The following ELMO1 variants were observed in gnomAD, a reference collection of about 807,000 sequenced individuals.
The protein encoded by ELMO1 is engulfment and cell motility 1, also known as engulfment and cell motility protein 1.
Under a neutral mutation model 98.9 loss-of-function variants are expected in ELMO1, and 26 were observed. The ratio of observed to expected loss-of-function variants is 0.26; its 90% CI spans 0.19 to 0.36. The LOEUF is 0.36. Ranked by LOEUF, ELMO1 falls within the 10% of genes least tolerant of loss-of-function variation. ELMO1 has a pLI of 1.00. For synonymous variants in ELMO1, 346 were observed against 346.0 expected (o/e 1.00, Z 0.00); for missense variants, 627 against 935.2 (o/e 0.67, Z 4.30).
intron 1 of ELMO1, among the ~76,000 whole-genome samples, chr7:37,422,537 A>T (rs928613064): frequency 2.0e-5 from 3 of 152,174 alleles, no homozygotes; most frequent in Non-Finnish European, 4.4e-5. Flanking sequence ...AATATACAAG[A>T]CTTTTAAGGA....
At chr7:37,392,414 T>C (rs547942774) in intron 1 of ELMO1, among the ~76,000 whole-genome samples, 1 of 152,204 alleles carries the variant, frequency 6.6e-6, no homozygotes, top group African/African-American at 2.4e-5. Flanking sequence ...CGAGAGTCCA[T>C]GGGGCTTTGC....
chr7:36,970,134 A>G (rs1248107090), intron 16 of ELMO1, among the ~76,000 whole-genome samples: 1 of 151,364 alleles, frequency 6.6e-6, no homozygotes, highest in Admixed American at 6.6e-5. Context: ...CTCCTTATAT[A>G]TGTAAACACA....
At chr7:37,059,256 A>G (rs981723765) in intron 15 of ELMO1, among the ~76,000 whole-genome samples, 3 of 152,232 alleles carry the variant, frequency 2.0e-5, no homozygotes, top group Admixed American at 6.5e-5. Flanking sequence ...GCTCTGTGGA[A>G]CAGGGTTCCA....
At chr7:37,105,489 A>G (rs1289786391) in intron 14 of ELMO1, among the ~76,000 whole-genome samples, 1 of 152,192 alleles carries the variant, frequency 6.6e-6, no homozygotes, top group Non-Finnish European at 1.5e-5. Context: ...TAGTTCTCTA[A>G]CTTGAGCTTC....
At chr7:37,073,823 C>G (rs545573131) in intron 15 of ELMO1, among the ~76,000 whole-genome samples, 1 of 151,706 alleles carries the variant, frequency 6.6e-6, no homozygotes, top group African/African-American at 2.4e-5. Flanking sequence ...CTCAAGAGAC[C>G]CTCCGGCTTT....
At chr7:37,389,578 G>A (rs765133164) in intron 1 of ELMO1, among the ~76,000 whole-genome samples, 9 of 152,064 alleles carry the variant, frequency 5.9e-5, no homozygotes, top group Non-Finnish European at 8.8e-5. Context: ...CGAGAGTCTC[G>A]AATCGTCCAG....
chr7:37,167,266 C>T (rs1789776936), intron 13 of ELMO1, among the ~76,000 whole-genome samples: 1 of 152,202 alleles, frequency 6.6e-6, no homozygotes, highest in Admixed American at 6.5e-5. Flanking sequence ...GAATACAGCA[C>T]ACTGATGGGT....
intron 16 of ELMO1, among the ~76,000 whole-genome samples, chr7:36,962,441 C>G (rs778448967): frequency 6.6e-6 from 1 of 152,020 alleles, no homozygotes; most frequent in African/African-American, 2.4e-5. Flanking sequence ...ACCCAAGAAG[C>G]GGAGAGCACT....
At chr7:37,215,940 C>T (rs1793256079) in intron 11 of ELMO1, among the ~76,000 whole-genome samples, 1 of 151,954 alleles carries the variant, frequency 6.6e-6, no homozygotes. Flanking sequence ...CTGAACTGCT[C>T]TTTGGAATCA....
intron 16 of ELMO1, among the ~76,000 whole-genome samples, chr7:37,004,388 T>C (rs1407674264): frequency 6.6e-6 from 1 of 152,204 alleles, no homozygotes; most frequent in African/African-American, 2.4e-5. Context: ...CTGAACAGAG[T>C]TATGGAAAGC....
chr7:37,044,188 C>T (rs1795680595), intron 15 of ELMO1, among the ~76,000 whole-genome samples: 1 of 152,152 alleles, frequency 6.6e-6, no homozygotes, highest in Non-Finnish European at 1.5e-5. Context: ...GGATTGACAA[C>T]TCTGTCACAG....
chr7:36,974,200 T>C (rs1790282043), intron 16 of ELMO1, among the ~76,000 whole-genome samples: 1 of 152,236 alleles, frequency 6.6e-6, no homozygotes, highest in Admixed American at 6.5e-5. Flanking sequence ...CCAGCTGGGC[T>C]CCTGAGTCTG....
Position 36,870,239 on chromosome 7 carries a change from AG to A in ELMO1, c.1905+153del. 6.6e-6 allele frequency among the ~76,000 whole-genome samples: 1 copy of A among 152,298 alleles called. No homozygotes were observed. Among genetic ancestry groups the A allele is most frequent in the South Asian group, 2.1e-4 (1 of 4,830 alleles). The stretch of plus-strand genomic sequence containing the variant: ...AAAGAATAAGGGTAAGAGACGTAAA[AG>A]GAATCGGGACAGGAAACAGGAGAGC... On this transcript the variant is annotated intron_variant, in intron 20 of 21. Transcript: ENST00000310758. The surrounding 1 kb of genome is among the most constrained non-coding windows in gnomAD (Gnocchi z 4.4).
At chr7:37,216,598 C>T (rs763490699) in intron 11 of ELMO1, 47 bp downstream of exon 11, 1 of 1,605,550 alleles carries the variant, frequency 6.2e-7, no homozygotes, top group Middle Eastern at 1.7e-4. Context: ...ACAAATGCAC[C>T]AGGCCACTCC....
At chr7:37,423,163 T>A (rs1804553255) in intron 1 of ELMO1, among the ~76,000 whole-genome samples, 1 of 152,248 alleles carries the variant, frequency 6.6e-6, no homozygotes, top group Admixed American at 6.5e-5. Flanking sequence ...TGGCACAATT[T>A]CCCTTCAGTA....
rs183316049 is a variant in ELMO1 at position 37,131,743 on chromosome 7, A to C, written c.1191+1387T>G. The stretch of plus-strand genomic sequence containing the variant: ...AAACAATTTTCTTATGTGGGACTGT[A>C]TTTCTGACCAAACACCTGATCCCAA... On this transcript the variant is annotated intron_variant, in intron 14 of 21. Transcript: ENST00000310758. Among the ~76,000 whole-genome samples the C allele has an allele frequency of 1.2e-3, 179 of 152,374 alleles. 1 individual carries two copies. Among genetic ancestry groups the C allele is most frequent in the Admixed American group, 2.2e-3 (33 of 15,308 alleles).
chr7:37,270,786 A>C (rs1442684124), intron 5 of ELMO1: 1 of 152,094 alleles, frequency 6.6e-6, no homozygotes, highest in Non-Finnish European at 1.5e-5. Context: ...TCAGCTGTCA[A>C]TGGATCAGTG....
chr7:37,267,536 T>C (rs1385967325), intron 5 of ELMO1, among the ~76,000 whole-genome samples: 1 of 152,216 alleles, frequency 6.6e-6, no homozygotes, highest in East Asian at 1.9e-4. Context: ...AAGACAAAGG[T>C]ATATGTATTT....
intron 20 of ELMO1, among the ~76,000 whole-genome samples, chr7:36,869,823 C>T (rs1803359093): frequency 6.6e-6 from 1 of 152,202 alleles, no homozygotes; most frequent in African/African-American, 2.4e-5. Context: ...GTAATACACA[C>T]TTCTGGGAAA....
Sources: gnomAD v4.1 joint callset for allele counts (sites outside exome capture counted in the v4.1 genomes callset) on GRCh38, gnomAD v4.1.1 for gene constraint, Gnocchi (gnomAD v3.1) non-coding constraint, MANE v1.5 for transcripts, NCBI Gene and HGNC (gene_info 2026-07-23, HGNC 2026-07-21) for gene names.